Variants in CRHR1 observed in about 807,000 individuals in gnomAD.
CRHR1 encodes corticotropin releasing hormone receptor 1.
In CRHR1, 28 loss-of-function variants were observed where a neutral mutation model predicts 56.0. The observed-to-expected ratio is 0.50, with a 90% confidence interval of 0.37 to 0.69. The LOEUF (loss-of-function observed/expected upper bound fraction) is 0.69. Ranked by LOEUF, CRHR1 falls within the 30% of genes least tolerant of loss-of-function variation. CRHR1 has a pLI of 0.00. For missense variants in CRHR1, 376 were observed against 548.0 expected (o/e 0.69, Z 3.13); for synonymous variants, 195 against 216.5 (o/e 0.90, Z 0.87).
intron 3 of CRHR1, among the ~76,000 whole-genome samples, chr17:45,818,723 A>C (rs1486952743): frequency 6.6e-6 from 1 of 152,186 alleles, no homozygotes; most frequent in African/African-American, 2.4e-5. Flanking sequence ...GTGGGTACCC[A>C]GAGCTGCACC....
rs927733737 is a variant in CRHR1, at chr17:45,833,013, T to A, written c.771-125T>A. Reference sequence around the variant, plus strand: ...AAGTGACTTGACCTTCTGCCAGGGTTGGAATTGGGACATCTACCTCTTGGC... The same window carrying A: ...AAGTGACTTGACCTTCTGCCAGGGTAGGAATTGGGACATCTACCTCTTGGC... On this transcript the variant is annotated intron_variant, in intron 8 of 12. Coordinates refer to ENST00000314537, the MANE Select transcript of CRHR1 (RefSeq NM_004382.5). 3 of 797,164 alleles carry A rather than the reference T, an allele frequency of 3.8e-6. No homozygotes were observed. In the African/African-American group the frequency reaches 5.0e-5, roughly 13 times the overall value. 49.4% of individuals were successfully genotyped at this position (797,164 alleles called of 1,614,324 possible).
chr17:45,795,703 G>A (rs948885733), intron 1 of CRHR1, among the ~76,000 whole-genome samples: 16 of 152,154 alleles, frequency 1.1e-4, no homozygotes, highest in African/African-American at 3.6e-4. Context: ...CAGGCCTATT[G>A]AACCCCAATT....
chr17:45,829,788 G>A, intron 5 of CRHR1: 1 of 937,224 alleles, frequency 1.1e-6, no homozygotes, highest in Non-Finnish European at 1.6e-6. Context: ...GAATGGCAGG[G>A]AGTAGAAGGC....
chr17:45,797,283 CTTTTTTTTTT>C (rs899983592), intron 1 of CRHR1, among the ~76,000 whole-genome samples: 1 of 94,930 alleles, frequency 1.1e-5, no homozygotes, highest in Non-Finnish European at 1.9e-5. Flanking sequence ...TTCTTTCTTT[CTTTTTTTTTT>C]TTTTTTTTTT....
chr17:45,810,906 C>T (rs1425567551), intron 2 of CRHR1, among the ~76,000 whole-genome samples: 1 of 152,258 alleles, frequency 6.6e-6, no homozygotes, highest in Non-Finnish European at 1.5e-5. Flanking sequence ...CCCATTCATC[C>T]CACAGCACAT....
At chr17:45,810,510 C>G (rs1457432631) in intron 2 of CRHR1, among the ~76,000 whole-genome samples, 1 of 152,144 alleles carries the variant, frequency 6.6e-6, no homozygotes, top group Non-Finnish European at 1.5e-5. Flanking sequence ...ACCATGTGGG[C>G]CTGACTTCAG....
At position 45,829,314 on chromosome 17, in the gene CRHR1, C is replaced by T. The variant is rs779739917; in HGVS notation, c.427C>T (p.Arg143Trp). 34 of 1,613,048 alleles carry T rather than the reference C, an allele frequency of 2.1e-5. No individual in the cohort carries two copies. Among genetic ancestry groups the T allele is most frequent in the Admixed American group, 1.2e-4 (7 of 59,920 alleles). Residue 143 changes from arginine to tryptophan, a missense_variant, in exon 5 of 13, where the codon CGG becomes TGG. Physicochemically the swap from Arg to Trp is moderately radical, Grantham distance 101 (BLOSUM62 -3). Around this residue, in one of 2 missense-constraint regions of CRHR1, gnomAD observed 369 missense variants for 519.5 expected, o/e 0.71. Transcript: ENST00000314537. ...CCTGGTGGCCTTTGTCCTCTTTCTG[C>T]GGCTCAGGTGAGAAGACCCCAGCAC... The part of the protein sequence containing the change: ...ALLVAFVLFL[R>W]LRSIRCLRNI...
At chr17:45,797,903 C>T (rs1369133434) in intron 1 of CRHR1, among the ~76,000 whole-genome samples, 4 of 152,128 alleles carry the variant, frequency 2.6e-5, no homozygotes, top group Non-Finnish European at 5.9e-5. Flanking sequence ...ACTTCTCTAC[C>T]ATCACGGAGC....
rs2061931288 is a variant in CRHR1, at chr17:45,816,515, C to A, written c.174C>A (p.Ser58Arg). The change falls in exon 3 of 13, where the codon AGC becomes AGA. Residue 58 changes from serine to arginine, a missense_variant. Around this residue, in one of 2 missense-constraint regions of CRHR1, gnomAD observed 369 missense variants for 519.5 expected, o/e 0.71. Coordinates refer to ENST00000314537, the MANE Select transcript of CRHR1 (RefSeq NM_004382.5). ...VDLIGTCWPR[S>R]PAGQLVVRPC... ...TCATTGGCACCTGCTGGCCCCGCAG[C>A]CCTGCGGGGCAGCTAGTGGTTCGGC... is the stretch of plus-strand genomic sequence containing the variant. 7 of 1,614,024 alleles carry A rather than the reference C, an allele frequency of 4.3e-6. No individual in the cohort carries two copies. The highest frequency in any genetic ancestry group is 5.9e-6 in the Non-Finnish European group (7 of 1,180,016).
At chr17:45,812,225 C>T (rs993942594) in intron 2 of CRHR1, among the ~76,000 whole-genome samples, 1 of 152,148 alleles carries the variant, frequency 6.6e-6, no homozygotes, top group Non-Finnish European at 1.5e-5. Context: ...AAAGTCTGTA[C>T]GTGTTCAGTA....
At chr17:45,805,874 C>G (rs569458373) in intron 1 of CRHR1, among the ~76,000 whole-genome samples, 51 of 152,238 alleles carry the variant, frequency 3.4e-4, no homozygotes, top group Non-Finnish European at 6.6e-4. Flanking sequence ...GTTAACATAT[C>G]CTTCTTGAGT....
intron 1 of CRHR1, 137 bp from the exon 2 acceptor site, chr17:45,806,872 AG>A: frequency 1.5e-6 from 1 of 664,474 alleles, no homozygotes. Context: ...GTGTCTGGGA[AG>A]CGACTGGATG....
chr17:45,788,569 T>C (rs1286281890), intron 1 of CRHR1, among the ~76,000 whole-genome samples: 2 of 152,142 alleles, frequency 1.3e-5, no homozygotes, highest in African/African-American at 4.8e-5. Context: ...GGGAAATGCC[T>C]AACTCAGGAG....
chr17:45,796,080 G>C (rs901658584), intron 1 of CRHR1, among the ~76,000 whole-genome samples: 1 of 152,158 alleles, frequency 6.6e-6, no homozygotes, highest in African/African-American at 2.4e-5. Flanking sequence ...GCTCCATAAA[G>C]GACATCTTTT....
rs1040238305 is a variant in CRHR1 at position 45,784,353 on chromosome 17, C to T, written c.-192C>T. ...GCGGCCAGACTTCCCCGGGAAGGGGCGAGCGAGAGCCGGGCCGGGCCGGGC... is the reference window on the plus strand; with the variant it reads ...GCGGCCAGACTTCCCCGGGAAGGGGTGAGCGAGAGCCGGGCCGGGCCGGGC... On this transcript the variant is annotated 5_prime_UTR_variant, in exon 1 of 13. Transcript: ENST00000314537. This position sits in a 1 kb window ranked among gnomAD's most constrained non-coding sequence, Gnocchi z 4.2. The T allele has an allele frequency of 1.5e-3, 494 of 332,044 alleles. 2 individuals carry two copies. Among genetic ancestry groups the T allele is most frequent in the Non-Finnish European group, 1.9e-3 (366 of 190,556 alleles). 20.6% of individuals were successfully genotyped at this position (332,044 alleles called of 1,614,324 possible).
At chr17:45,813,567 G>C (rs1033950974) in intron 2 of CRHR1, among the ~76,000 whole-genome samples, 1 of 152,220 alleles carries the variant, frequency 6.6e-6, no homozygotes, top group Non-Finnish European at 1.5e-5. Context: ...CAGGAGGGAG[G>C]GGGAGGCGCG....
Position 45,833,706 on chromosome 17 carries a change from C to A in CRHR1, c.930-8C>A. On this transcript the variant is annotated splice_region_variant and splice_polypyrimidine_tract_variant and intron_variant, in intron 10 of 12. Transcript: ENST00000314537. ...TGACTCCGAGCCTCCCCACCCGCCC[C>A]ACCCCAGGAAGGCTGTGAAAGCCAC... The A allele has an allele frequency of 6.4e-7, 1 of 1,556,512 alleles. No homozygotes were observed. Among genetic ancestry groups the A allele is most frequent in the Non-Finnish European group, 8.8e-7 (1 of 1,130,952 alleles).
rs2062380448 is a variant in CRHR1, at chr17:45,833,989, C to T, written c.1066-18C>T. On this transcript the variant is annotated intron_variant, in intron 11 of 12. Transcript: ENST00000314537. The stretch of plus-strand genomic sequence containing the variant: ...AACACCTGCAGCCGACCTTTGACGC[C>T]TCCTCTCTCCTCCCCAGGGCTTCTT... 1.9e-6 allele frequency: 3 copies of T among 1,613,850 alleles called. No homozygotes were observed. The highest frequency in any genetic ancestry group is 2.7e-5 in the African/African-American group (2 of 74,900).
chr17:45,794,360 G>T (rs376029045), intron 1 of CRHR1, among the ~76,000 whole-genome samples: 2 of 152,210 alleles, frequency 1.3e-5, no homozygotes, highest in Non-Finnish European at 2.9e-5. Flanking sequence ...TTGACCAGTC[G>T]GACCAGTCCT....
Sources: gnomAD v4.1 joint callset for allele counts (sites outside exome capture counted in the v4.1 genomes callset) on GRCh38, gnomAD v4.1.1 for gene constraint, gnomAD v4.1.1 regional missense constraint, Gnocchi (gnomAD v3.1) non-coding constraint, MANE v1.5 for transcripts, NCBI Gene and HGNC (gene_info 2026-07-23, HGNC 2026-07-21) for gene names.